BST1: variants seen among roughly 807,000 people sequenced by gnomAD.
BST1 encodes the protein bone marrow stromal cell antigen 1, also known as ADP-ribosyl cyclase/cyclic ADP-ribose hydrolase 2.
A neutral mutation model predicts 40.6 loss-of-function variants in BST1; 49 were observed. That is an observed-to-expected ratio of 1.21 (90% CI 0.96 to 1.53). The LOEUF (loss-of-function observed/expected upper bound fraction) is 1.53. BST1 is among the 40% of genes most tolerant of loss of function. The probability of loss-of-function intolerance (pLI) is 0.00; values close to 1 mark genes in which losing one functional copy is unlikely to be tolerated. For synonymous variants in BST1, 157 were observed against 159.3 expected (o/e 0.99, Z 0.11); for missense variants, 423 against 395.9 (o/e 1.07, Z -0.58).
At chr4:15,708,585 A>G (rs111652092) in intron 3 of BST1, among the ~76,000 whole-genome samples, 9 of 152,252 alleles carry the variant, frequency 5.9e-5, no homozygotes, top group African/African-American at 2.2e-4. Context: ...TTCAAAAGTT[A>G]ACCTAATATC....
chr4:15,759,796 T>A, the BST1 span, among the ~76,000 whole-genome samples: 223 of 152,002 alleles, frequency 1.5e-3, 3 homozygotes, highest in African/African-American at 5.0e-3. Context: ...TCTCCTTTAC[T>A]TCCCCCCTCC....
chr4:15,739,554 C>CGTGT (rs58171340), downstream of BST1, among the ~76,000 whole-genome samples: 22,252 of 143,782 alleles, frequency 0.15, 1,881 homozygotes, highest in Admixed American at 0.25. Context: ...GAAGCCAAAC[C>CGTGT]GTGTGTGTGT....
intron 4 of BST1, among the ~76,000 whole-genome samples, chr4:15,712,336 GAC>G (rs1720261650): frequency 1.3e-5 from 2 of 152,194 alleles, no homozygotes; most frequent in Non-Finnish European, 2.9e-5. Flanking sequence ...ATAAGCTGGA[GAC>G]ACAGAAATGG....
the BST1 span, among the ~76,000 whole-genome samples, chr4:15,772,006 G>GTTCTCTCT: frequency 8.5e-6 from 1 of 117,442 alleles, no homozygotes; most frequent in Non-Finnish European, 1.7e-5. Context: ...AAACAATGAA[G>GTTCTCTCT]GTCTCTCTCT....
chr4:15,739,161 T>A (rs1721673374), downstream of BST1, among the ~76,000 whole-genome samples: 1 of 152,212 alleles, frequency 6.6e-6, no homozygotes, highest in Non-Finnish European at 1.5e-5. Context: ...GAGCTTGTTT[T>A]TAAAGACCTG....
the BST1 span, among the ~76,000 whole-genome samples, chr4:15,773,062 T>C: frequency 1.3e-5 from 2 of 152,192 alleles, no homozygotes; most frequent in Admixed American, 1.3e-4. Flanking sequence ...GTATAGACAA[T>C]ACATGGAGGA....
At chr4:15,747,519 C>T in the BST1 span, among the ~76,000 whole-genome samples, 52 of 152,278 alleles carry the variant, frequency 3.4e-4, 1 homozygote, top group South Asian at 0.01. Context: ...ATCACCATCA[C>T]ATTCTTTACT....
chr4:15,740,795 T>G (rs984772165), downstream of BST1, among the ~76,000 whole-genome samples: 2 of 152,106 alleles, frequency 1.3e-5, no homozygotes, highest in Non-Finnish European at 2.9e-5. Flanking sequence ...CGTCTGGAGA[T>G]TCCCAGTGCA....
At chr4:15,755,473 C>T in the BST1 span, among the ~76,000 whole-genome samples, 2 of 152,162 alleles carry the variant, frequency 1.3e-5, no homozygotes, top group Non-Finnish European at 2.9e-5. Flanking sequence ...AATGACTAAT[C>T]TGGTATATTT....
chr4:15,708,441 G>A (rs1286342156), intron 3 of BST1, among the ~76,000 whole-genome samples: 1 of 152,094 alleles, frequency 6.6e-6, no homozygotes, highest in East Asian at 1.9e-4. Flanking sequence ...AATGGTGTTC[G>A]AGGAGTAGCA....
At chr4:15,745,348 A>G in the BST1 span, among the ~76,000 whole-genome samples, 1 of 152,218 alleles carries the variant, frequency 6.6e-6, no homozygotes, top group Non-Finnish European at 1.5e-5. Context: ...TACTCTGATT[A>G]CATTTTGTCA....
At chr4:15,703,362 C>A in intron 1 of BST1, 30 bp downstream of exon 1, 1 of 1,487,016 alleles carries the variant, frequency 6.7e-7, no homozygotes, top group Non-Finnish European at 8.9e-7. Flanking sequence ...GGAAGGGGAG[C>A]CGGAAAGAGG....
chr4:15,731,485 G>T (rs4336219), intron 8 of BST1: 62,681 of 958,566 alleles, frequency 0.065, 6,886 homozygotes, highest in East Asian at 0.52. Flanking sequence ...CCCGAGAAGC[G>T]CTTGTCCTTC....
the BST1 span, among the ~76,000 whole-genome samples, chr4:15,763,881 A>G: frequency 6.6e-6 from 1 of 152,078 alleles, no homozygotes; most frequent in East Asian, 1.9e-4. Context: ...AACTGCAGTG[A>G]TAATAAACAA....
At chr4:15,704,551 G>A (rs939063527) in intron 1 of BST1, among the ~76,000 whole-genome samples, 1 of 146,940 alleles carries the variant, frequency 6.8e-6, no homozygotes, top group Admixed American at 6.7e-5. Context: ...TGTGTGTGTG[G>A]TCTAGAGGTG....
At chr4:15,737,367 TATC>T (rs1430276102), downstream of BST1, among the ~76,000 whole-genome samples, 1 of 152,202 alleles carries the variant, frequency 6.6e-6, no homozygotes, top group East Asian at 1.9e-4. Flanking sequence ...ATTCTCTTAT[TATC>T]CTATTTTACA....
the BST1 span, among the ~76,000 whole-genome samples, chr4:15,748,656 C>T: frequency 1.4e-4 from 21 of 152,172 alleles, no homozygotes; most frequent in Non-Finnish European, 8.8e-5. Flanking sequence ...ACAGTCTGCC[C>T]TCTGGCTGCA....
At chr4:15,747,602 T>C in the BST1 span, among the ~76,000 whole-genome samples, 1 of 152,264 alleles carries the variant, frequency 6.6e-6, no homozygotes, top group Admixed American at 6.5e-5. Flanking sequence ...TATGTCATTC[T>C]TTGGAGTAAG....
the BST1 span, among the ~76,000 whole-genome samples, chr4:15,766,108 A>G: frequency 1.3e-5 from 2 of 151,996 alleles, no homozygotes; most frequent in African/African-American, 4.8e-5. Flanking sequence ...CTAGCCACTG[A>G]GGACGTACCT....
Sources: gnomAD v4.1 joint callset for allele counts (sites outside exome capture counted in the v4.1 genomes callset) on GRCh38, gnomAD v4.1.1 for gene constraint, MANE v1.5 for transcripts, NCBI Gene and HGNC (gene_info 2026-07-23, HGNC 2026-07-21) for gene names.